OR3A2: variants seen among roughly 807,000 people sequenced by gnomAD.
OR3A2 encodes olfactory receptor family 3 subfamily A member 2, also known as olfactory receptor 3A2.
For missense variants in OR3A2, 318 were observed against 392.8 expected (o/e 0.81, Z 1.61); for synonymous variants, 126 against 159.3 (o/e 0.79, Z 1.57).
chr17:3,362,706 C>T (rs1197560823), intron 2 of OR3A2, among the ~76,000 whole-genome samples: 1 of 151,526 alleles, frequency 6.6e-6, no homozygotes, highest in African/African-American at 2.4e-5. Context: ...AGATCCAACC[C>T]CACATTTCCC....
intron 3 of OR3A2, among the ~76,000 whole-genome samples, chr17:3,298,763 A>C (rs1433468756): frequency 1.3e-5 from 2 of 152,160 alleles, no homozygotes; most frequent in African/African-American, 4.8e-5. Flanking sequence ...TATTGAAGGG[A>C]AAGGAAGCGG....
intron 3 of OR3A2, chr17:3,310,167 C>T (rs898035549): frequency 2.7e-6 from 1 of 367,830 alleles, no homozygotes; most frequent in African/African-American, 2.1e-5. Flanking sequence ...CTTCCCCTTA[C>T]ATTTCATGCG....
chr17:3,343,290 T>A (rs1296775493), intron 2 of OR3A2, among the ~76,000 whole-genome samples: 1 of 152,202 alleles, frequency 6.6e-6, no homozygotes, highest in Non-Finnish European at 1.5e-5. Flanking sequence ...TCCAATGAGA[T>A]GAACCAGGTA....
At chr17:3,298,545 A>C (rs1224785010) in intron 3 of OR3A2, among the ~76,000 whole-genome samples, 1 of 152,192 alleles carries the variant, frequency 6.6e-6, no homozygotes, top group African/African-American at 2.4e-5. Flanking sequence ...GGGCATTGGC[A>C]ACGTGCCCTG....
intron 2 of OR3A2, among the ~76,000 whole-genome samples, chr17:3,367,601 G>GTTTATATATA (rs1555530074): frequency 8.2e-6 from 1 of 122,522 alleles, no homozygotes. Context: ...GTGTGTGTGT[G>GTTTATATATA]TATATATATA....
chr17:3,379,153 C>G (rs539722259), intron 2 of OR3A2, among the ~76,000 whole-genome samples: 2 of 152,202 alleles, frequency 1.3e-5, no homozygotes, highest in Non-Finnish European at 2.9e-5. Context: ...AAGTTCATTC[C>G]ATGGGACGTG....
intron 2 of OR3A2, among the ~76,000 whole-genome samples, chr17:3,363,239 A>G (rs905427025): frequency 6.6e-6 from 1 of 151,352 alleles, no homozygotes; most frequent in Admixed American, 6.6e-5. Context: ...TTTATGCTCT[A>G]TTTCTTTCTT....
chr17:3,374,177 ATAGGTTTT>A (rs2049659020), intron 2 of OR3A2, among the ~76,000 whole-genome samples: 1 of 152,172 alleles, frequency 6.6e-6, no homozygotes, highest in Non-Finnish European at 1.5e-5. Context: ...TGTTAATCTG[ATAGGTTTT>A]CCTTTATAGT....
intron 2 of OR3A2, among the ~76,000 whole-genome samples, chr17:3,348,649 G>T (rs2049391050): frequency 6.6e-6 from 1 of 151,998 alleles, no homozygotes; most frequent in Non-Finnish European, 1.5e-5. Context: ...AGCAAGGCAG[G>T]CCAACATTCA....
intron 3 of OR3A2, among the ~76,000 whole-genome samples, chr17:3,326,248 C>T (rs2049170754): frequency 6.6e-6 from 1 of 152,066 alleles, no homozygotes; most frequent in African/African-American, 2.4e-5. Context: ...CTGCAATGAA[C>T]ATATGTGTGC....
At chr17:3,349,586 G>C (rs538509126) in intron 2 of OR3A2, among the ~76,000 whole-genome samples, 5 of 152,156 alleles carry the variant, frequency 3.3e-5, no homozygotes, top group African/African-American at 1.2e-4. Context: ...AATAATAGGA[G>C]ACTTTAACAC....
chr17:3,342,566 C>G (rs561863728), intron 2 of OR3A2, among the ~76,000 whole-genome samples: 1 of 152,164 alleles, frequency 6.6e-6, no homozygotes, highest in Non-Finnish European at 1.5e-5. Context: ...CACTCCAGAC[C>G]GTTTGCCTGG....
intron 2 of OR3A2, among the ~76,000 whole-genome samples, chr17:3,371,575 C>T (rs1203542157): frequency 7.3e-6 from 1 of 136,412 alleles, no homozygotes; most frequent in Non-Finnish European, 1.6e-5. Flanking sequence ...GGGGCTGATT[C>T]CCCCACCTCC....
In OR3A2 at chr17:3,360,879, T is replaced by C. The variant is rs906225290; in HGVS notation, c.-179+22925A>G. 7.3e-5 allele frequency among the ~76,000 whole-genome samples: 11 copies of C among 151,666 alleles called. No homozygotes were observed. The East Asian group carries it at 1.3e-3, about 19-fold the overall frequency. On this transcript the variant is annotated intron_variant, in intron 2 of 4. Transcript: ENST00000573491. The stretch of plus-strand genomic sequence containing the variant: ...TGCCTCCAGCTTTGTTCTTTTGGGT[T>C]AGGATTAACTTGGCGATCTGGGCTC...
intron 2 of OR3A2, among the ~76,000 whole-genome samples, chr17:3,354,123 T>C (rs1361356099): frequency 2.0e-5 from 3 of 151,884 alleles, no homozygotes; most frequent in East Asian, 1.9e-4. Flanking sequence ...TCATCAGAGA[T>C]ACTGGCCTGT....
intron 2 of OR3A2, among the ~76,000 whole-genome samples, chr17:3,352,268 T>C (rs2049427421): frequency 6.6e-6 from 1 of 150,694 alleles, no homozygotes; most frequent in Non-Finnish European, 1.5e-5. Context: ...TGTGATCTCA[T>C]TTGTCCATTT....
intron 2 of OR3A2, among the ~76,000 whole-genome samples, chr17:3,349,865 A>T (rs1198044100): frequency 6.6e-6 from 1 of 152,202 alleles, no homozygotes; most frequent in Admixed American, 6.5e-5. Flanking sequence ...ACTAGAACTC[A>T]TGATTAAGAA....
chr17:3,351,848 G>C (rs572583749), intron 2 of OR3A2, among the ~76,000 whole-genome samples: 1 of 152,076 alleles, frequency 6.6e-6, no homozygotes, highest in African/African-American at 2.4e-5. Flanking sequence ...TAGATCAATG[G>C]AACAGAACAG....
At chr17:3,371,523 A>AC (rs2049620344) in intron 2 of OR3A2, among the ~76,000 whole-genome samples, 1 of 110,030 alleles carries the variant, frequency 9.1e-6, no homozygotes, top group African/African-American at 3.6e-5. Flanking sequence ...CGGGGGGCTG[A>AC]CCCCACCACC....
Sources: gnomAD v4.1 joint callset for allele counts (sites outside exome capture counted in the v4.1 genomes callset) on GRCh38, gnomAD v4.1.1 for gene constraint, MANE v1.5 for transcripts, NCBI Gene and HGNC (gene_info 2026-07-23, HGNC 2026-07-21) for gene names.